The following LPIN1 variants were observed in gnomAD, a reference collection of about 807,000 sequenced individuals.
LPIN1 encodes the protein phosphatidate phosphatase LPIN1.
Under a neutral mutation model 107.5 loss-of-function variants are expected in LPIN1, and 71 were observed. That is an observed-to-expected ratio of 0.66 (90% CI 0.55 to 0.80). The LOEUF (loss-of-function observed/expected upper bound fraction) is 0.80, where lower values mean the gene tolerates loss of function less well. Among genes scored for constraint, LPIN1 ranks in the 30% least tolerant of loss-of-function variants. The probability of loss-of-function intolerance (pLI) is 0.00; values close to 1 mark genes in which losing one functional copy is unlikely to be tolerated. For missense variants in LPIN1, 1,043 were observed against 1,160.6 expected, an observed-to-expected ratio of 0.90 and a Z score of 1.47; for synonymous variants, 445 against 452.6, an observed-to-expected ratio of 0.98 and a Z score of 0.21.
At chr2:11,791,879 G>A (rs376935737) in intron 12 of LPIN1, 35 bp from the exon 13 acceptor site, 25 of 1,605,758 alleles carry the variant, frequency 1.6e-5, no homozygotes, top group Non-Finnish European at 2.1e-5. Flanking sequence ...ATCTTTTTTT[G>A]TTCCATTATT....
At chr2:11,678,057 T>C (rs1424366943) in intron 1 of LPIN1, among the ~76,000 whole-genome samples, 2 of 152,218 alleles carry the variant, frequency 1.3e-5, no homozygotes, top group Non-Finnish European at 2.9e-5. Context: ...CTCCAGCCCA[T>C]CAGGCACTCT....
At chr2:11,822,865 C>G (rs1490004079) in intron 20 of LPIN1, among the ~76,000 whole-genome samples, 1 of 152,220 alleles carries the variant, frequency 6.6e-6, no homozygotes, top group Non-Finnish European at 1.5e-5. Flanking sequence ...ATTGCATTGA[C>G]TGAGGCTCTA....
intron 7 of LPIN1, among the ~76,000 whole-genome samples, chr2:11,781,500 GT>G (rs1366776631): frequency 6.6e-6 from 1 of 152,126 alleles, no homozygotes; most frequent in Non-Finnish European, 1.5e-5. Flanking sequence ...TTTGGTTTTT[GT>G]TTGAATAAAT....
chr2:11,824,124 AGAGAGGTTACGCCATTTGCCCAC>A (rs1457295272), intron 20 of LPIN1, among the ~76,000 whole-genome samples: 19 of 152,308 alleles, frequency 1.2e-4, no homozygotes, highest in African/African-American at 4.3e-4. Context: ...AAATTGGCTT[AGAGAGGTTACGCCATTTGCCCAC>A]GATCACGCAG....
intron 1 of LPIN1, among the ~76,000 whole-genome samples, chr2:11,711,217 C>T (rs183803266): frequency 2.7e-4 from 41 of 152,260 alleles, no homozygotes; most frequent in African/African-American, 9.9e-4. Flanking sequence ...TTGGATGGTC[C>T]AGAATATCTG....
rs1420738977 is a variant in LPIN1 at position 11,803,689 on chromosome 2, C to A, written c.2013+656C>A. Among the ~76,000 whole-genome samples the A allele has an allele frequency of 1.3e-5, 2 of 152,102 alleles. No homozygotes were observed. The highest frequency in any genetic ancestry group is 4.8e-5 in the African/African-American group (2 of 41,408). On this transcript the variant is annotated intron_variant, in intron 15 of 20. Coordinates refer to ENST00000674199, the MANE Select transcript of LPIN1 (RefSeq NM_001349206.2). This position sits in a 1 kb window ranked among gnomAD's most constrained non-coding sequence, Gnocchi z 4.2. ...GAAGAGGCCCAGACACCCACTCAGG[C>A]CATGTGTGGGACCCTGCAGCCTGGG...
At chr2:11,739,048 T>A (rs11894146) in intron 1 of LPIN1, among the ~76,000 whole-genome samples, 1 of 152,258 alleles carries the variant, frequency 6.6e-6, no homozygotes, top group Admixed American at 6.5e-5. Context: ...TACTAATATG[T>A]TTCTAAAGGA....
intron 1 of LPIN1, among the ~76,000 whole-genome samples, chr2:11,713,086 T>G (rs931442861): frequency 1.3e-5 from 2 of 152,196 alleles, no homozygotes; most frequent in Non-Finnish European, 2.9e-5. Flanking sequence ...TTGAGTCATG[T>G]CTTCTGCCTT....
intron 1 of LPIN1, among the ~76,000 whole-genome samples, chr2:11,748,023 T>C (rs1389980696): frequency 2.6e-5 from 4 of 152,238 alleles, no homozygotes; most frequent in Non-Finnish European, 4.4e-5. Flanking sequence ...AGCAGTTCCT[T>C]TCTTTTAGAA....
intron 6 of LPIN1, among the ~76,000 whole-genome samples, chr2:11,778,883 C>G (rs1385333324): frequency 6.6e-6 from 1 of 152,106 alleles, no homozygotes; most frequent in Non-Finnish European, 1.5e-5. Flanking sequence ...GGTTACTGAG[C>G]GAGCCTTAAC....
chr2:11,752,432 C>CTTTTT (rs1354955148), intron 1 of LPIN1, among the ~76,000 whole-genome samples: 3 of 82,662 alleles, frequency 3.6e-5, no homozygotes, highest in African/African-American at 2.4e-4. Context: ...GTTCCAAGGC[C>CTTTTT]ATTTTTTTTT....
exon 2 of LPIN1, chr2:11,713,790 A>T: frequency 6.6e-7 from 1 of 1,522,514 alleles, no homozygotes; most frequent in Non-Finnish European, 8.8e-7. Context: ...TGGATTCGAA[A>T]TGTATGGTCT....
chr2:11,811,289 G>A (rs552520341), intron 17 of LPIN1, among the ~76,000 whole-genome samples: 11 of 152,338 alleles, frequency 7.2e-5, no homozygotes, highest in African/African-American at 2.4e-4. Flanking sequence ...TCCTGCCACC[G>A]GTTGTCCTTC....
intron 1 of LPIN1, among the ~76,000 whole-genome samples, chr2:11,701,439 C>G (rs12469060): frequency 0.18 from 27,805 of 152,162 alleles, 3,267 homozygotes; most frequent in South Asian, 0.26. Context: ...CCCTGCTGGT[C>G]TCTCTGCTCT....
At chr2:11,766,111 C>T (rs2099596) in intron 2 of LPIN1, among the ~76,000 whole-genome samples, 3,519 of 152,276 alleles carry the variant, frequency 0.023, 139 homozygotes, top group African/African-American at 0.077. Flanking sequence ...CTGGGCTCTT[C>T]GCTGAGGCTT....
At chr2:11,761,168 TTTAGAG>T (rs143593011) in intron 1 of LPIN1, among the ~76,000 whole-genome samples, 13,516 of 152,136 alleles carry the variant, frequency 0.089, 1,975 homozygotes, top group African/African-American at 0.31. Context: ...TGCACGTAGT[TTTAGAG>T]TTAGAGGGTT....
chr2:11,693,164 A>T (rs1253253039), intron 1 of LPIN1, among the ~76,000 whole-genome samples: 2 of 151,460 alleles, frequency 1.3e-5, no homozygotes, highest in Non-Finnish European at 1.5e-5. Flanking sequence ...GGCCAGGTAC[A>T]GTCGTGGTCC....
chr2:11,792,590 C>A (rs1675961476), intron 13 of LPIN1, among the ~76,000 whole-genome samples: 1 of 152,028 alleles, frequency 6.6e-6, no homozygotes, highest in Non-Finnish European at 1.5e-5. Flanking sequence ...GCCATGTTGC[C>A]CAGGCTGGTC....
At chr2:11,778,110 A>C (rs1399233399) in intron 6 of LPIN1, among the ~76,000 whole-genome samples, 1 of 149,610 alleles carries the variant, frequency 6.7e-6, no homozygotes, top group Non-Finnish European at 1.5e-5. Flanking sequence ...GGAGGTTGAA[A>C]GGCCAGGAGC....
Sources: gnomAD v4.1 joint callset for allele counts (sites outside exome capture counted in the v4.1 genomes callset) on GRCh38, gnomAD v4.1.1 for gene constraint, Gnocchi (gnomAD v3.1) non-coding constraint, MANE v1.5 for transcripts, NCBI Gene and HGNC (gene_info 2026-07-23, HGNC 2026-07-21) for gene names.